GABRG2: variants seen among roughly 807,000 people sequenced by gnomAD.
The protein encoded by GABRG2 is gamma-aminobutyric acid type A receptor subunit gamma2, also known as gamma-aminobutyric acid receptor subunit gamma-2.
GABRG2 carries 16 observed loss-of-function variants against 56.4 expected under a neutral mutation model. The observed-to-expected ratio is 0.28, with a 90% confidence interval of 0.19 to 0.43. The LOEUF is 0.43. GABRG2 is among the 20% of genes least tolerant of loss of function. The pLI, the probability that GABRG2 is intolerant of heterozygous loss-of-function variation, is 1.00. For synonymous variants in GABRG2, 208 were observed against 205.5 expected (o/e 1.01, Z -0.10); for missense variants, 327 against 582.7 (o/e 0.56, Z 4.52).
At chr5:162,096,168 T>C (rs1760982244) in intron 3 of GABRG2, among the ~76,000 whole-genome samples, 1 of 152,050 alleles carries the variant, frequency 6.6e-6, no homozygotes, top group Non-Finnish European at 1.5e-5. Flanking sequence ...ATAAAGATGC[T>C]CTGCTAAGTG....
chr5:162,133,565 T>C (rs1015474607), intron 6 of GABRG2, among the ~76,000 whole-genome samples: 7 of 152,146 alleles, frequency 4.6e-5, no homozygotes, highest in African/African-American at 1.4e-4. Context: ...CATTTGTAGC[T>C]GTAGTTTTAG....
At chr5:162,076,855 A>T (rs1296474532) in intron 1 of GABRG2, among the ~76,000 whole-genome samples, 1 of 152,150 alleles carries the variant, frequency 6.6e-6, no homozygotes, top group Non-Finnish European at 1.5e-5. Flanking sequence ...ATATAACAAA[A>T]TTCAACATCA....
intron 6 of GABRG2, among the ~76,000 whole-genome samples, chr5:162,138,499 AGTTATGAG>A (rs1764306773): frequency 6.6e-6 from 1 of 152,196 alleles, no homozygotes; most frequent in Non-Finnish European, 1.5e-5. Context: ...ATTTAGAATC[AGTTATGAG>A]GCCCCCTATG....
At chr5:162,141,661 CTCA>C (rs1764578458) in intron 6 of GABRG2, among the ~76,000 whole-genome samples, 1 of 152,142 alleles carries the variant, frequency 6.6e-6, no homozygotes, top group Non-Finnish European at 1.5e-5. Context: ...GAAAAAATGT[CTCA>C]TCATAGGAAT....
At chr5:162,131,611 C>T (rs1465467686) in intron 6 of GABRG2, among the ~76,000 whole-genome samples, 1 of 151,728 alleles carries the variant, frequency 6.6e-6, no homozygotes, top group African/African-American at 2.4e-5. Context: ...CAAAAATTTG[C>T]AAGATTTATA....
At chr5:162,099,478 GC>G (rs1761251829) in intron 4 of GABRG2, 1 of 151,946 alleles carries the variant, frequency 6.6e-6, no homozygotes, top group Non-Finnish European at 1.5e-5. Flanking sequence ...TTACTATGTT[GC>G]CCATGTGGTC....
chr5:162,150,210 TA>T (rs1765269254), intron 8 of GABRG2: 1 of 152,340 alleles, frequency 6.6e-6, no homozygotes, highest in Admixed American at 6.5e-5. Context: ...ACACTTGTCT[TA>T]TGGGGCTCCT....
chr5:162,105,448 GAGA>G (rs1761740552), intron 6 of GABRG2, among the ~76,000 whole-genome samples: 1 of 12,438 alleles, frequency 8.0e-5, no homozygotes, highest in South Asian at 3.7e-3. Context: ...TTTTTTTTTT[GAGA>G]AGGAGTCTCG....
In GABRG2 at chr5:162,137,308, T is replaced by C. The variant is rs982238330; in HGVS notation, c.770-4856T>C. On this transcript the variant is annotated intron_variant, in intron 6 of 9. Transcript: ENST00000639213. ...AAATTTTAAAATAAAATATGTTTTT[T>C]ATATACTTTCAGATTATCTTCCTAA... Among the ~76,000 whole-genome samples the C allele has an allele frequency of 5.9e-5, 9 of 152,222 alleles. No individual in the cohort carries two copies. The East Asian group carries it at 1.3e-3, about 23-fold the overall frequency.
chr5:162,111,858 A>C (rs981634020), intron 6 of GABRG2, among the ~76,000 whole-genome samples: 1 of 152,162 alleles, frequency 6.6e-6, no homozygotes, highest in African/African-American at 2.4e-5. Context: ...GCAACAATGA[A>C]GTATTAGCAC....
At chr5:162,094,020 C>T (rs771262794) in intron 2 of GABRG2, 41 bp downstream of exon 2, 3 of 1,597,736 alleles carry the variant, frequency 1.9e-6, no homozygotes, top group Non-Finnish European at 2.6e-6. Flanking sequence ...GATAGGAGCA[C>T]ATAAACATGT....
At chr5:162,150,471 TTG>T (rs1388529626) in intron 8 of GABRG2, 1 of 152,210 alleles carries the variant, frequency 6.6e-6, no homozygotes, top group Admixed American at 6.5e-5. Flanking sequence ...CTGTTTTTTA[TTG>T]TGAGTGTTGA....
chr5:162,073,207 TG>T (rs1561634131), intron 1 of GABRG2, among the ~76,000 whole-genome samples: 1 of 151,936 alleles, frequency 6.6e-6, no homozygotes, highest in African/African-American at 2.4e-5. Flanking sequence ...TATTACATTA[TG>T]TTTTTTTGTT....
intron 1 of GABRG2, among the ~76,000 whole-genome samples, chr5:162,070,289 A>G (rs17060038): frequency 0.084 from 12,740 of 152,124 alleles, 879 homozygotes; most frequent in East Asian, 0.22. Context: ...GAATGGAGTC[A>G]TTGCTGTTTG....
intron 1 of GABRG2, among the ~76,000 whole-genome samples, chr5:162,090,446 G>A (rs184608391): frequency 5.3e-5 from 8 of 152,152 alleles, no homozygotes; most frequent in Non-Finnish European, 4.4e-5. Flanking sequence ...TGTGAAACTT[G>A]TTAAAATAGC....
intron 7 of GABRG2, chr5:162,142,688 G>T: frequency 2.9e-6 from 1 of 339,950 alleles, no homozygotes; most frequent in South Asian, 2.3e-5. Flanking sequence ...TCATAGGTGG[G>T]AATTGAACAA....
chr5:162,105,007 T>C (rs1761697355), intron 6 of GABRG2, among the ~76,000 whole-genome samples: 1 of 152,204 alleles, frequency 6.6e-6, no homozygotes, highest in Non-Finnish European at 1.5e-5. Flanking sequence ...AATACAAACA[T>C]TGTGTTCTCA....
At chr5:162,132,441 C>T (rs567848497) in intron 6 of GABRG2, among the ~76,000 whole-genome samples, 1 of 152,060 alleles carries the variant, frequency 6.6e-6, no homozygotes, top group South Asian at 2.1e-4. Flanking sequence ...CTGTGAAATG[C>T]AGTCTCATCA....
chr5:162,139,853 G>GA (rs1764426648), intron 6 of GABRG2, among the ~76,000 whole-genome samples: 1 of 152,144 alleles, frequency 6.6e-6, no homozygotes, highest in South Asian at 2.1e-4. Flanking sequence ...TTATTTAAAT[G>GA]AAAAACCTTC....
Sources: allele counts gnomAD v4.1 joint callset (sites outside exome capture counted in the v4.1 genomes callset), GRCh38; gene constraint gnomAD v4.1.1; transcripts MANE v1.5; gene names NCBI Gene and HGNC (gene_info 2026-07-23, HGNC 2026-07-21).